POLR2K: variants seen among roughly 807,000 people sequenced by gnomAD.
POLR2K encodes the protein DNA-directed RNA polymerases I, II, and III subunit RPABC4.
A neutral mutation model predicts 10.1 loss-of-function variants in POLR2K; 9 were observed. The ratio of observed to expected loss-of-function variants is 0.89; its 90% confidence interval spans 0.54 to 1.56. POLR2K has a LOEUF of 1.56. POLR2K is among the 40% of genes most tolerant of loss of function. POLR2K has a pLI of 0.00. For missense variants in POLR2K, 53 were observed against 71.9 expected (o/e 0.74, Z 0.95); for synonymous variants, 19 against 20.3 (o/e 0.94, Z 0.17).
In POLR2K at chr8:100,150,662, G is replaced by T. The variant is rs1386589401; in HGVS notation, c.-57G>T. 2.0e-5 allele frequency: 3 copies of T among 152,408 alleles called. No homozygotes were observed. The highest frequency in any genetic ancestry group is 7.2e-5 in the African/African-American group (3 of 41,452). 9.4% of individuals were successfully genotyped at this position (152,408 alleles called of 1,614,324 possible). On this transcript the variant is annotated 5_prime_UTR_variant, in exon 1 of 4. Transcript: ENST00000353107. Reference sequence around the variant, plus strand: ...GAAGTTGGTCTCGACACCTGGACTAGCCGGGTTGTATTTGGAAACGCGGAG... The same window carrying T: ...GAAGTTGGTCTCGACACCTGGACTATCCGGGTTGTATTTGGAAACGCGGAG...
chr8:100,150,810 GGCT>G (rs2132155676), intron 1 of POLR2K, 101 bp downstream of exon 1: 1 of 154,216 alleles, frequency 6.5e-6, no homozygotes, highest in Admixed American at 6.4e-5. Flanking sequence ...AGTTGAGAGT[GGCT>G]GGGGATACGG....
Position 100,153,414 on chromosome 8 carries a change from C to A in POLR2K, c.*98C>A. 9.6e-7 allele frequency: 1 copy of A among 1,043,228 alleles called. No individual in the cohort carries two copies. The highest frequency in any genetic ancestry group is 1.5e-6 in the Non-Finnish European group (1 of 675,930). The allele number at this position is 1,043,228 out of a possible 1,614,324, so 64.6% of individuals were successfully genotyped here. On this transcript the variant is annotated 3_prime_UTR_variant, in exon 4 of 4. Coordinates refer to ENST00000353107, the MANE Select transcript of POLR2K (RefSeq NM_005034.4). ...GCTTTCGATTTTGCTTACAGTAGTT[C>A]CCCCTTATCTTCGGGAGATACATTC...
At chr8:100,153,154 T>C (rs1308974146) in intron 3 of POLR2K, 140 bp from the exon 4 acceptor site, 2 of 624,180 alleles carry the variant, frequency 3.2e-6, no homozygotes, top group Non-Finnish European at 5.7e-6. Context: ...CCAGTTGTCA[T>C]AGTAAATAGT....
At chr8:100,151,949 T>G (rs1167700232) in intron 3 of POLR2K, 33 bp downstream of exon 3, 1 of 971,984 alleles carries the variant, frequency 1.0e-6, no homozygotes, top group Non-Finnish European at 1.7e-6. Flanking sequence ...TAAATATGAG[T>G]TAGGAGGAAA....
At chr8:100,151,527 A>G in intron 2 of POLR2K, 111 bp downstream of exon 2, 1 of 769,852 alleles carries the variant, frequency 1.3e-6, no homozygotes, top group South Asian at 1.5e-5. Flanking sequence ...ATAAAGTAGA[A>G]CACTTTAGCA....
chr8:100,152,924 T>C (rs934545224), intron 3 of POLR2K, among the ~76,000 whole-genome samples: 1 of 152,004 alleles, frequency 6.6e-6, no homozygotes, highest in Non-Finnish European at 1.5e-5. Context: ...CCCGCCACCA[T>C]GCCCGGCTAA....
In POLR2K at chr8:100,153,351, CTT is replaced by C; in HGVS notation, c.*36_*37del. Reference sequence around the variant, plus strand: ...ATTCAGAGGAATGTCTTCACTTATACTTGGATTTGCTCTCTTCCCATTTCTGA... The same window carrying C: ...ATTCAGAGGAATGTCTTCACTTATACGGATTTGCTCTCTTCCCATTTCTGA... On this transcript the variant is annotated 3_prime_UTR_variant, in exon 4 of 4. Coordinates refer to ENST00000353107, the MANE Select transcript of POLR2K (RefSeq NM_005034.4). 6.3e-7 allele frequency: 1 copy of C among 1,579,752 alleles called. No homozygotes were observed. The highest frequency in any genetic ancestry group is 8.7e-7 in the Non-Finnish European group (1 of 1,150,074).
Position 100,151,334 on chromosome 8 carries a change from T to C in POLR2K, c.-9-13T>C. ...CCTTTTGAGATATTCAGTATTTGAG[T>C]CTGTGATTTCAGGGGCTAACAATGG... On this transcript the variant is annotated splice_polypyrimidine_tract_variant and intron_variant, in intron 1 of 3. Coordinates refer to ENST00000353107, the MANE Select transcript of POLR2K (RefSeq NM_005034.4). 1 of 1,576,242 alleles carries C rather than the reference T, an allele frequency of 6.3e-7. No individual in the cohort carries two copies.
chr8:100,151,386 A>G lies in POLR2K; in HGVS notation c.31A>G (p.Lys11Glu). 6.2e-7 allele frequency: 1 copy of G among 1,609,796 alleles called. No individual in the cohort carries two copies. The highest frequency in any genetic ancestry group is 8.5e-7 in the Non-Finnish European group (1 of 1,175,958). Residue 11 changes from lysine (K) to glutamate (E), a missense_variant, in exon 2 of 4, where the codon AAG becomes GAG. Coordinates refer to ENST00000353107, the MANE Select transcript of POLR2K (RefSeq NM_005034.4). MDTQKDVQPPKQQPMIYICGE... is the reference protein window; with the variant it reads MDTQKDVQPPEQQPMIYICGE... Reference sequence around the variant, plus strand: ...CACCCAGAAGGACGTTCAACCTCCAAAGCAGCAACCAATGATATATATCTG... The same window carrying G: ...CACCCAGAAGGACGTTCAACCTCCAGAGCAGCAACCAATGATATATATCTG...
In POLR2K at chr8:100,151,332, A is replaced by C. The variant is rs759694813; in HGVS notation, c.-9-15A>C. On this transcript the variant is annotated splice_polypyrimidine_tract_variant and intron_variant, in intron 1 of 3. Coordinates refer to ENST00000353107, the MANE Select transcript of POLR2K (RefSeq NM_005034.4). The stretch of plus-strand genomic sequence containing the variant: ...GCCCTTTTGAGATATTCAGTATTTG[A>C]GTCTGTGATTTCAGGGGCTAACAAT... 3.2e-6 allele frequency: 5 copies of C among 1,568,764 alleles called. No homozygotes were observed. The highest frequency in any genetic ancestry group is 1.7e-4 in the Middle Eastern group (1 of 5,978).
intron 2 of POLR2K, 33 bp from the exon 3 acceptor site, chr8:100,151,791 A>G (rs766188654): frequency 5.2e-6 from 5 of 956,422 alleles, no homozygotes; most frequent in Non-Finnish European, 8.2e-6. Context: ...TTTTCCTCTT[A>G]GGCATTGAGT....
intron 3 of POLR2K, chr8:100,152,306 A>G (rs750356120): frequency 8.1e-6 from 2 of 246,898 alleles, no homozygotes; most frequent in East Asian, 1.8e-4. Flanking sequence ...ATTGTACTGA[A>G]TAGACAATTG....
intron 3 of POLR2K, among the ~76,000 whole-genome samples, chr8:100,153,060 G>A (rs1366952795): frequency 2.6e-5 from 4 of 152,158 alleles, no homozygotes; most frequent in African/African-American, 7.2e-5. Context: ...GAGCCACTGC[G>A]CCTGGCCTGC....
At chr8:100,153,038 G>T (rs1814941351) in intron 3 of POLR2K, among the ~76,000 whole-genome samples, 1 of 152,138 alleles carries the variant, frequency 6.6e-6, no homozygotes, top group African/African-American at 2.4e-5. Context: ...AAAGTACTGG[G>T]ATTACAGGCG....
intron 1 of POLR2K, 152 bp from the exon 2 acceptor site, chr8:100,151,193 GTA>G (rs1173858695): frequency 3.1e-6 from 2 of 647,998 alleles, no homozygotes; most frequent in Non-Finnish European, 5.7e-6. Context: ...ATACTTGTGT[GTA>G]TGCGTTTCGT....
At position 100,151,347 on chromosome 8, in the gene POLR2K, G is replaced by T; in HGVS notation, c.-9G>T. 6.2e-7 allele frequency: 1 copy of T among 1,601,374 alleles called. No homozygotes were observed. Among genetic ancestry groups the T allele is most frequent in the Non-Finnish European group, 8.6e-7 (1 of 1,168,428 alleles). On this transcript the variant is annotated splice_region_variant and 5_prime_UTR_variant, in exon 2 of 4. Transcript: ENST00000353107. ...TCAGTATTTGAGTCTGTGATTTCAG[G>T]GGCTAACAATGGACACCCAGAAGGA...
At position 100,151,327 on chromosome 8, in the gene POLR2K, A is replaced by G. The variant is rs200011934; in HGVS notation, c.-9-20A>G. On this transcript the variant is annotated intron_variant, in intron 1 of 3. Transcript: ENST00000353107. ...GAGAAGCCCTTTTGAGATATTCAGT[A>G]TTTGAGTCTGTGATTTCAGGGGCTA... 2 of 1,547,180 alleles carry G rather than the reference A, an allele frequency of 1.3e-6. No individual in the cohort carries two copies. Among genetic ancestry groups the G allele is most frequent in the Non-Finnish European group, 8.9e-7 (1 of 1,118,838 alleles).
intron 3 of POLR2K, among the ~76,000 whole-genome samples, chr8:100,153,033 A>G (rs549665441): frequency 6.6e-6 from 1 of 152,144 alleles, no homozygotes; most frequent in Non-Finnish European, 1.5e-5. Context: ...CTCCCAAAGT[A>G]CTGGGATTAC....
intron 1 of POLR2K, 131 bp from the exon 2 acceptor site, chr8:100,151,215 CT>C: frequency 1.4e-6 from 1 of 711,806 alleles, no homozygotes; most frequent in Admixed American, 2.1e-5. Context: ...TCCTTGAGAC[CT>C]AACCCATAGG....
Sources: gnomAD v4.1 joint callset for allele counts (sites outside exome capture counted in the v4.1 genomes callset) on GRCh38, gnomAD v4.1.1 for gene constraint, MANE v1.5 for transcripts, NCBI Gene and HGNC (gene_info 2026-07-23, HGNC 2026-07-21) for gene names.